ATF2: variants seen among roughly 807,000 people sequenced by gnomAD.
ATF2 encodes activating transcription factor 2, also known as cyclic AMP-dependent transcription factor ATF-2.
ATF2 carries 24 observed loss-of-function variants against 60.6 expected under a neutral mutation model. The ratio of observed to expected loss-of-function variants is 0.40; its 90% CI spans 0.29 to 0.56. The LOEUF (loss-of-function observed/expected upper bound fraction) is 0.56, where lower values mean the gene tolerates loss of function less well. Ranked by LOEUF, ATF2 falls within the 20% of genes least tolerant of loss-of-function variation. The pLI, the probability that ATF2 is intolerant of heterozygous loss-of-function variation, is 0.54. For synonymous variants in ATF2, 206 were observed against 215.4 expected, an observed-to-expected ratio of 0.96 and a Z score of 0.38; for missense variants, 433 against 607.7, an observed-to-expected ratio of 0.71 and a Z score of 3.02.
chr2:175,159,132 T>C (rs1201748978), intron 1 of ATF2, among the ~76,000 whole-genome samples: 1 of 151,832 alleles, frequency 6.6e-6, no homozygotes. Context: ...AGCCTGGTCA[T>C]CATGGAGAAA....
intron 8 of ATF2, chr2:175,114,478 T>G: frequency 7.9e-7 from 1 of 1,267,796 alleles, no homozygotes; most frequent in Non-Finnish European, 1.0e-6. Context: ...TAAATTCACA[T>G]TCTATATTTG....
At chr2:175,084,193 T>C (rs904975231) in intron 12 of ATF2, among the ~76,000 whole-genome samples, 4 of 151,962 alleles carry the variant, frequency 2.6e-5, no homozygotes, top group Admixed American at 1.3e-4. Context: ...CACATGCACA[T>C]GTATGTTTAT....
chr2:175,142,186 C>CTT (rs377013083), intron 2 of ATF2, among the ~76,000 whole-genome samples: 163 of 133,016 alleles, frequency 1.2e-3, no homozygotes, highest in Middle Eastern at 4.1e-3. Context: ...GTTTTCTTTT[C>CTT]TTTTTTTTTT....
intron 1 of ATF2, among the ~76,000 whole-genome samples, chr2:175,167,153 G>A (rs1008594301): frequency 1.3e-5 from 2 of 151,936 alleles, no homozygotes; most frequent in African/African-American, 4.8e-5. Context: ...ATACTACCTA[G>A]GGGCACAAAA....
At chr2:175,077,516 A>T (rs1281155236) in intron 13 of ATF2, among the ~76,000 whole-genome samples, 1 of 152,192 alleles carries the variant, frequency 6.6e-6, no homozygotes, top group African/African-American at 2.4e-5. Flanking sequence ...TCTTTAAAAG[A>T]ACAACAGGCT....
chr2:175,164,458 C>T (rs933025408), intron 1 of ATF2, among the ~76,000 whole-genome samples: 3 of 152,060 alleles, frequency 2.0e-5, no homozygotes, highest in Non-Finnish European at 2.9e-5. Flanking sequence ...CGCTTGAATC[C>T]GGGAGGTGGA....
intron 4 of ATF2, 39 bp from the exon 5 acceptor site, chr2:175,121,579 A>G: frequency 7.0e-7 from 1 of 1,435,232 alleles, no homozygotes; most frequent in Non-Finnish European, 9.7e-7. Context: ...AAGATTTTCA[A>G]TTTGATCAAA....
chr2:175,077,018 A>G (rs190715127), intron 13 of ATF2, among the ~76,000 whole-genome samples: 293 of 139,218 alleles, frequency 2.1e-3, no homozygotes, highest in East Asian at 0.01. Flanking sequence ...TTATTGTTCA[A>G]TTCCTACCTA....
At chr2:175,082,768 C>G (rs971819665) in intron 12 of ATF2, among the ~76,000 whole-genome samples, 1 of 152,166 alleles carries the variant, frequency 6.6e-6, no homozygotes, top group African/African-American at 2.4e-5. Context: ...TCTTGACTTA[C>G]AAAAGTAAGT....
intron 12 of ATF2, among the ~76,000 whole-genome samples, chr2:175,085,513 A>G (rs1349202677): frequency 8.1e-6 from 1 of 124,030 alleles, no homozygotes; most frequent in East Asian, 1.9e-4. Context: ...AGTGAGACTC[A>G]AGTCTCAAAA....
rs13001858 is a variant in ATF2, at chr2:175,153,940, C to G, written c.-142-2782G>C. ...TTTTTCTATCTTAAAAATTTTTAGG[C>G]TGGGCATGGTGGCTCACGCCTGTAA... On this transcript the variant is annotated intron_variant, in intron 1 of 13. Transcript: ENST00000264110. Among the ~76,000 whole-genome samples the G allele has an allele frequency of 1.3e-3, 196 of 151,562 alleles. 2 individuals carry two copies. Among genetic ancestry groups the G allele is most frequent in the South Asian group, 0.011 (52 of 4,806 alleles).
At chr2:175,110,766 C>A (rs893376827) in intron 10 of ATF2, among the ~76,000 whole-genome samples, 4 of 152,146 alleles carry the variant, frequency 2.6e-5, no homozygotes, top group African/African-American at 9.6e-5. Context: ...CCACCACGCT[C>A]GGCTAATTTT....
chr2:175,145,416 C>G (rs1294630495), intron 2 of ATF2, among the ~76,000 whole-genome samples: 1 of 152,166 alleles, frequency 6.6e-6, no homozygotes, highest in Non-Finnish European at 1.5e-5. Flanking sequence ...TGCTCCTGCT[C>G]TCACCATGTT....
chr2:175,106,219 C>T (rs1695653432), intron 10 of ATF2, among the ~76,000 whole-genome samples: 1 of 152,130 alleles, frequency 6.6e-6, no homozygotes, highest in Admixed American at 6.5e-5. Flanking sequence ...CTAACAAAAA[C>T]CTTATATCCA....
chr2:175,124,221 A>G (rs1227734981), intron 4 of ATF2, among the ~76,000 whole-genome samples: 2 of 151,908 alleles, frequency 1.3e-5, no homozygotes, highest in Non-Finnish European at 2.9e-5. Flanking sequence ...AAGAAACACA[A>G]GTATTTTGTT....
At chr2:175,089,979 A>T (rs908930146) in intron 12 of ATF2, among the ~76,000 whole-genome samples, 7 of 152,166 alleles carry the variant, frequency 4.6e-5, no homozygotes, top group Non-Finnish European at 5.9e-5. Context: ...TTTATTAAGC[A>T]TAATAATAAT....
intron 4 of ATF2, among the ~76,000 whole-genome samples, chr2:175,124,919 A>G (rs1321388747): frequency 6.6e-6 from 1 of 152,086 alleles, no homozygotes; most frequent in Non-Finnish European, 1.5e-5. Context: ...ATCACTTTAA[A>G]ACAAGTGAAA....
chr2:175,148,726 C>T (rs974243444), intron 2 of ATF2, among the ~76,000 whole-genome samples: 2 of 152,136 alleles, frequency 1.3e-5, no homozygotes, highest in African/African-American at 2.4e-5. Flanking sequence ...ACCTTATTCT[C>T]TACAACCTCT....
chr2:175,160,470 G>T (rs1323594976), intron 1 of ATF2, among the ~76,000 whole-genome samples: 1 of 152,150 alleles, frequency 6.6e-6, no homozygotes, highest in Non-Finnish European at 1.5e-5. Flanking sequence ...TTCAAAGTAT[G>T]TCAAAATTCA....
Sources: allele counts gnomAD v4.1 joint callset (sites outside exome capture counted in the v4.1 genomes callset), GRCh38; gene constraint gnomAD v4.1.1; transcripts MANE v1.5; gene names NCBI Gene and HGNC (gene_info 2026-07-23, HGNC 2026-07-21).